The following GALNT13 variants were observed in gnomAD, a reference collection of about 807,000 sequenced individuals.
GALNT13 encodes the protein UDP-GalNAc:polypeptide N-acetylgalactosaminyltransferase 13.
In GALNT13, 28 loss-of-function variants were observed where a neutral mutation model predicts 64.2. That is an observed-to-expected ratio of 0.44 (90% confidence interval 0.32 to 0.60). The LOEUF (loss-of-function observed/expected upper bound fraction) is 0.60. GALNT13 is among the 20% of genes least tolerant of loss of function. The pLI, the probability that GALNT13 is intolerant of heterozygous loss-of-function variation, is 0.05. For synonymous variants in GALNT13, 214 were observed against 224.6 expected, an observed-to-expected ratio of 0.95 and a Z score of 0.42; for missense variants, 577 against 669.8, an observed-to-expected ratio of 0.86 and a Z score of 1.53.
chr2:153,346,981 C>G, the GALNT13 span, among the ~76,000 whole-genome samples: 1 of 152,168 alleles, frequency 6.6e-6, no homozygotes, highest in African/African-American at 2.4e-5. Context: ...AAACCGTGGA[C>G]CCCCTTGCTC....
chr2:154,318,425 T>A (rs1694439378), intron 9 of GALNT13, among the ~76,000 whole-genome samples: 1 of 152,128 alleles, frequency 6.6e-6, no homozygotes, highest in Non-Finnish European at 1.5e-5. Flanking sequence ...CTTAAAGAAA[T>A]TTAGAAATTA....
chr2:154,111,084 CTCATGACAAT>C (rs139358934), intron 3 of GALNT13, among the ~76,000 whole-genome samples: 7,686 of 152,264 alleles, frequency 0.05, 255 homozygotes, highest in South Asian at 0.11. Context: ...GGAGGAAATA[CTCATGACAAT>C]TCCAGTCCTT....
chr2:153,478,337 C>G, the GALNT13 span: 1 of 1,614,128 alleles, frequency 6.2e-7, no homozygotes, highest in Non-Finnish European at 8.5e-7. Flanking sequence ...AGATTGCAGC[C>G]GAGGAAGAAG....
At chr2:153,600,649 C>G in the GALNT13 span, among the ~76,000 whole-genome samples, 6 of 151,988 alleles carry the variant, frequency 3.9e-5, no homozygotes, top group Non-Finnish European at 8.8e-5. Flanking sequence ...AATAATTTCT[C>G]TTCCAGTCTT....
chr2:154,426,216 T>C (rs1265198332), intron 11 of GALNT13, among the ~76,000 whole-genome samples: 1 of 152,218 alleles, frequency 6.6e-6, no homozygotes, highest in Non-Finnish European at 1.5e-5. Flanking sequence ...CTTTGTTGTC[T>C]GGCTCTCTGC....
At chr2:153,663,079 G>T in the GALNT13 span, among the ~76,000 whole-genome samples, 1 of 152,162 alleles carries the variant, frequency 6.6e-6, no homozygotes, top group Non-Finnish European at 1.5e-5. Context: ...ATGGGAAGAA[G>T]AAACTCCTTT....
the GALNT13 span, among the ~76,000 whole-genome samples, chr2:153,272,914 C>T: frequency 3.9e-5 from 6 of 152,192 alleles, no homozygotes; most frequent in Non-Finnish European, 7.3e-5. Context: ...GGCACATATA[C>T]ACCATGGAAT....
chr2:154,046,522 A>G (rs1699296566), intron 3 of GALNT13, among the ~76,000 whole-genome samples: 1 of 152,120 alleles, frequency 6.6e-6, no homozygotes, highest in African/African-American at 2.4e-5. Flanking sequence ...TCCAGGAAAA[A>G]GTTCTGGGCA....
the GALNT13 span, among the ~76,000 whole-genome samples, chr2:153,656,843 A>G: frequency 6.6e-6 from 1 of 152,116 alleles, no homozygotes; most frequent in Non-Finnish European, 1.5e-5. Context: ...ACAGTCACAC[A>G]TTGGGATGAA....
At chr2:153,836,268 A>G in the GALNT13 span, among the ~76,000 whole-genome samples, 19 of 152,096 alleles carry the variant, frequency 1.2e-4, no homozygotes, top group African/African-American at 4.3e-4. Flanking sequence ...TATATATTGT[A>G]TAATAGTTAC....
the GALNT13 span, among the ~76,000 whole-genome samples, chr2:153,652,665 C>T: frequency 6.6e-5 from 10 of 152,112 alleles, no homozygotes; most frequent in South Asian, 2.1e-4. Flanking sequence ...ATGACTGACA[C>T]GCACCTCTGC....
the GALNT13 span, among the ~76,000 whole-genome samples, chr2:153,326,197 C>T: frequency 6.6e-6 from 1 of 152,024 alleles, no homozygotes; most frequent in East Asian, 1.9e-4. Flanking sequence ...ATAGTTAGTT[C>T]TTCTTGTTGC....
intron 4 of GALNT13, among the ~76,000 whole-genome samples, chr2:154,226,575 T>A (rs904809457): frequency 6.6e-6 from 1 of 152,158 alleles, no homozygotes; most frequent in Non-Finnish European, 1.5e-5. Context: ...ATGCATATAA[T>A]CTTTTAATTG....
the GALNT13 span, among the ~76,000 whole-genome samples, chr2:153,692,895 C>T: frequency 2.0e-5 from 3 of 152,050 alleles, no homozygotes; most frequent in African/African-American, 7.2e-5. Context: ...CATGGGGTTG[C>T]TATTGTGGGG....
At chr2:153,499,892 G>A in the GALNT13 span, among the ~76,000 whole-genome samples, 26 of 151,996 alleles carry the variant, frequency 1.7e-4, no homozygotes, top group African/African-American at 6.0e-4. Context: ...GCACAGCTGC[G>A]GCTGGGCAGC....
intron 4 of GALNT13, among the ~76,000 whole-genome samples, chr2:154,193,234 ATAT>A (rs1474307357): frequency 6.6e-5 from 10 of 152,220 alleles, no homozygotes; most frequent in African/African-American, 2.2e-4. Context: ...ATACACACAA[ATAT>A]TATATGTGTT....
intron 2 of GALNT13, among the ~76,000 whole-genome samples, chr2:153,914,661 G>T (rs1010406486): frequency 6.6e-6 from 1 of 151,962 alleles, no homozygotes; most frequent in Non-Finnish European, 1.5e-5. Context: ...AACCTATTGA[G>T]ATTATCAAAT....
At chr2:154,187,630 C>T (rs1686329177) in intron 4 of GALNT13, among the ~76,000 whole-genome samples, 1 of 151,954 alleles carries the variant, frequency 6.6e-6, no homozygotes, top group African/African-American at 2.4e-5. Context: ...CTACATGACT[C>T]ATTAAAGTTA....
rs138669671 is a variant in GALNT13 at position 154,194,794 on chromosome 2, C to T, written c.312-47236C>T. Among the ~76,000 whole-genome samples, 572 of 151,506 alleles carry T rather than the reference C, an allele frequency of 3.8e-3. 8 individuals are homozygous for T. Among genetic ancestry groups the T allele is most frequent in the African/African-American group, 0.013 (520 of 41,232 alleles). On this transcript the variant is annotated intron_variant, in intron 4 of 12. Transcript: ENST00000392825. ...GGCTGAAGTCAGAGAGATTAAGCAA[C>T]TTGCCTAAAGCTGCAAAGTTTATAA...
Sources: gnomAD v4.1 joint callset for allele counts (sites outside exome capture counted in the v4.1 genomes callset) on GRCh38, gnomAD v4.1.1 for gene constraint, MANE v1.5 for transcripts, NCBI Gene and HGNC (gene_info 2026-07-23, HGNC 2026-07-21) for gene names.